DOCK6: variants seen among roughly 807,000 people sequenced by gnomAD.
The protein encoded by DOCK6 is dedicator of cytokinesis 6.
DOCK6 carries 167 observed loss-of-function variants against 230.3 expected under a neutral mutation model. That is an observed-to-expected ratio of 0.73 (90% CI 0.64 to 0.82). DOCK6 has a LOEUF of 0.82. Ranked by LOEUF, DOCK6 falls within the 40% of genes least tolerant of loss-of-function variation. DOCK6 has a pLI of 0.00. For missense variants in DOCK6, 2,598 were observed against 2,825.8 expected (o/e 0.92, Z 1.83); for synonymous variants, 1,148 against 1,185.0 (o/e 0.97, Z 0.64).
chr19:11,233,075 C>T, intron 22 of DOCK6, 128 bp downstream of exon 22: 3 of 1,295,088 alleles, frequency 2.3e-6, no homozygotes, highest in Non-Finnish European at 3.2e-6. Context: ...ACTCTGCTGC[C>T]CAGAGTGACG....
chr19:11,256,205 A>G (rs1475992130), intron 1 of DOCK6, among the ~76,000 whole-genome samples: 2 of 152,144 alleles, frequency 1.3e-5, no homozygotes, highest in Admixed American at 1.3e-4. Context: ...TCAAATTCCT[A>G]AAGTCGGGCT....
Position 11,236,371 on chromosome 19 carries a change from C to T in DOCK6, c.2367G>A (p.Arg789=), listed in dbSNP as rs1400481059. 2 of 1,570,692 alleles carry T rather than the reference C, an allele frequency of 1.3e-6. No homozygotes were observed. Among genetic ancestry groups the T allele is most frequent in the Non-Finnish European group, 1.7e-6 (2 of 1,157,316 alleles). Residue 789 remains arginine, a synonymous_variant, in exon 20 of 48, where the codon AGG becomes AGA. Coordinates refer to ENST00000294618, the MANE Select transcript of DOCK6 (RefSeq NM_020812.4). The surrounding 1 kb of genome is among the most constrained non-coding windows in gnomAD (Gnocchi z 5.2). ...CAATCTGGCCACTGATGATCGGGGG[C>T]CTGATGACCAGACGCACGAGCTTGT... ...VLDKLVRLVI[R]PPIISGQIVN... is the part of the protein sequence containing the mutation.
intron 9 of DOCK6, among the ~76,000 whole-genome samples, chr19:11,244,129 ATATTT>A (rs2147854937): frequency 6.6e-6 from 1 of 152,218 alleles, no homozygotes; most frequent in South Asian, 2.1e-4. Context: ...TTAGCTGGTG[ATATTT>A]TCCCTAAATT....
chr19:11,230,422 C>T (rs149802759), intron 22 of DOCK6, among the ~76,000 whole-genome samples: 1 of 152,244 alleles, frequency 6.6e-6, no homozygotes, highest in Non-Finnish European at 1.5e-5. Context: ...AGTGCAACCA[C>T]AACAGGCAGG....
chr19:11,207,125 G>A (rs1157334363), intron 39 of DOCK6, among the ~76,000 whole-genome samples: 2 of 151,716 alleles, frequency 1.3e-5, no homozygotes, highest in Non-Finnish European at 2.9e-5. Flanking sequence ...CAGCCACTGC[G>A]CCCAGCCTGG....
chr19:11,230,419 C>T (rs896252510), intron 22 of DOCK6, among the ~76,000 whole-genome samples: 1 of 152,054 alleles, frequency 6.6e-6, no homozygotes, highest in South Asian at 2.1e-4. Flanking sequence ...AGCAGTGCAA[C>T]CACAACAGGC....
At position 11,237,459 on chromosome 19, in the gene DOCK6, G is replaced by T. The variant is rs1020641955; in HGVS notation, c.2070C>A (p.Pro690=). The T allele has an allele frequency of 1.9e-6, 3 of 1,613,500 alleles. No homozygotes were observed. Among genetic ancestry groups the T allele is most frequent in the Non-Finnish European group, 1.7e-6 (2 of 1,179,834 alleles). ...QPPPSYSVLT[P]DVALPGMRWV... is the part of the protein sequence containing the mutation. ...GCAGGAGCTCCAGGGCACATACATCGGGTGTGAGCACGGAATAGCTGGGCG... is the reference window on the plus strand; with the variant it reads ...GCAGGAGCTCCAGGGCACATACATCTGGTGTGAGCACGGAATAGCTGGGCG... The change falls in exon 18 of 48, where the codon CCC becomes CCA. Residue 690 remains proline (P), a synonymous_variant. Coordinates refer to ENST00000294618, the MANE Select transcript of DOCK6 (RefSeq NM_020812.4).
rs764829646 is a variant in DOCK6 at position 11,253,658 on chromosome 19, C to G, written c.113G>C (p.Arg38Pro). ...ERSGSPHSSR[R>P]CSSSLGVPLT... ...ACTTACCCCCAGGGAGCTGCTGCAG[C>G]GCCTGCTGGAGTGGGGGGAGCCACT... Residue 38 changes from arginine to proline, a missense_variant, in exon 2 of 48, where the codon CGC becomes CCC. Coordinates refer to ENST00000294618, the MANE Select transcript of DOCK6 (RefSeq NM_020812.4). 8.3e-6 allele frequency: 12 copies of G among 1,451,946 alleles called. No homozygotes were observed. In the South Asian group the frequency reaches 1.6e-4, roughly 20 times the overall value. The allele number at this position is 1,451,946 out of a possible 1,614,324, so 89.9% of individuals were successfully genotyped here. A position where few individuals can be genotyped will look rare whatever the true frequency, so the allele number is the denominator to read the frequency against.
intron 14 of DOCK6, chr19:11,240,119 ACT>A (rs1851921426): frequency 1.9e-6 from 3 of 1,551,354 alleles, no homozygotes; most frequent in Non-Finnish European, 2.6e-6. Context: ...CTAGTGACCC[ACT>A]GTTTATTAAG....
In DOCK6 at chr19:11,223,079, C is replaced by G. The variant is rs564231748; in HGVS notation, c.2983G>C (p.Ala995Pro). The change falls in exon 25 of 48, where the codon GCC becomes CCC. Residue 995 changes from alanine (A) to proline (P), a missense_variant. Ala to Pro is a conservative substitution (Grantham distance 27). Transcript: ENST00000294618. The stretch of plus-strand genomic sequence containing the variant: ...TCACTGAGGAAGAAAGCCAGGCTGG[C>G]GTTGAGGTGCTCGGCCAGCTCCACA... ...KDVELAEHLN[A>P]SLAFFLSDLL... The G allele has an allele frequency of 1.2e-6, 2 of 1,613,616 alleles. No individual in the cohort carries two copies. The highest frequency in any genetic ancestry group is 8.5e-7 in the Non-Finnish European group (1 of 1,179,830).
rs1034259664 is a variant in DOCK6 at position 11,201,034 on chromosome 19, C to T, written c.5707G>A (p.Glu1903Lys). Residue 1903 changes from glutamate (E) to lysine (K), a missense_variant, in exon 45 of 48, where the codon GAG becomes AAG. Physicochemically the swap from Glu to Lys is moderately conservative, Grantham distance 56. Coordinates refer to ENST00000294618, the MANE Select transcript of DOCK6 (RefSeq NM_020812.4). This position sits in a 1 kb window ranked among gnomAD's most constrained non-coding sequence, Gnocchi z 4.3. ...TTCTGCATGTCCTCGATGGCCACCT[C>T]CACTGGCGTCAGCACCGTCTGTGGG... The part of the protein sequence containing the change: ...HREETVLTPV[E>K]VAIEDMQKKT... 6.2e-7 allele frequency: 1 copy of T among 1,613,870 alleles called. No homozygotes were observed. The highest frequency in any genetic ancestry group is 1.1e-5 in the South Asian group (1 of 91,064).
At chr19:11,250,668 T>G (rs1219418443) in intron 6 of DOCK6, among the ~76,000 whole-genome samples, 2 of 152,166 alleles carry the variant, frequency 1.3e-5, no homozygotes, top group African/African-American at 4.8e-5. Flanking sequence ...GCTGGTTGGA[T>G]AAATATAGGG....
At chr19:11,259,907 A>G (rs1209811558) in intron 1 of DOCK6, among the ~76,000 whole-genome samples, 79 of 7,848 alleles carry the variant, frequency 0.01, no homozygotes, top group Middle Eastern at 0.25. Flanking sequence ...TTTTTGAGAC[A>G]GAGTCTTACT....
rs1375840410 is a variant in DOCK6 at position 11,202,282 on chromosome 19, A to G, written c.5451+112T>C. 7.0e-7 allele frequency: 1 copy of G among 1,427,916 alleles called. No homozygotes were observed. The allele number at this position is 1,427,916 out of a possible 1,614,324, so 88.5% of individuals were successfully genotyped here. ...TGAGGAATAGGTTTTGGGGTCCCTCAGTGAAATATGATTTGGGGTTTCCCA... is the reference window on the plus strand; with the variant it reads ...TGAGGAATAGGTTTTGGGGTCCCTCGGTGAAATATGATTTGGGGTTTCCCA... On this transcript the variant is annotated intron_variant, in intron 43 of 47. Transcript: ENST00000294618. This position sits in a 1 kb window ranked among gnomAD's most constrained non-coding sequence, Gnocchi z 5.3.
chr19:11,203,958 C>T, intron 41 of DOCK6, 123 bp downstream of exon 41: 1 of 1,332,114 alleles, frequency 7.5e-7, no homozygotes, highest in Non-Finnish European at 1.0e-6. Flanking sequence ...CTTGTGGCCA[C>T]AGCCCCAGCC....
chr19:11,233,217 T>C lies in DOCK6; in HGVS notation c.2704A>G (p.Ile902Val). 6.2e-7 allele frequency: 1 copy of C among 1,613,464 alleles called. No individual in the cohort carries two copies. Among genetic ancestry groups the C allele is most frequent in the Non-Finnish European group, 8.5e-7 (1 of 1,179,760 alleles). ...PGSVDDEVSR[I>V]LASKLLHEEL... ...CGTTGCCCTACCTTGCTGGCCAGGATGCGGGAAACCTCGTCATCCACAGAG... is the reference window on the plus strand; with the variant it reads ...CGTTGCCCTACCTTGCTGGCCAGGACGCGGGAAACCTCGTCATCCACAGAG... The change falls in exon 22 of 48, where the codon ATC (isoleucine) becomes GTC (valine). Residue 902 changes from isoleucine to valine, a missense_variant. Physicochemically the swap from Ile to Val is conservative, Grantham distance 29. Transcript: ENST00000294618.
rs768661221 is a variant in DOCK6, at chr19:11,217,128, C to T, written c.3712-32G>A. On this transcript the variant is annotated intron_variant, in intron 29 of 47. Transcript: ENST00000294618. ...CCAGAGAGGAATCAAAGTCAATTTC[C>T]ATTTTCTCCATGTGAGATGAATCCT... The T allele has an allele frequency of 4.4e-6, 7 of 1,599,156 alleles. No individual in the cohort carries two copies. The South Asian group carries it at 7.8e-5, about 18-fold the overall frequency.
chr19:11,217,080 C>T lies in DOCK6; in HGVS notation c.3728G>A (p.Cys1243Tyr), dbSNP rs1487647536. ...CCGGCTTGACTCAGCAGAGAGGGCACAGCCTGCGCGAGAAGCCTGGGGCCA... is the reference window on the plus strand; with the variant it reads ...CCGGCTTGACTCAGCAGAGAGGGCATAGCCTGCGCGAGAAGCCTGGGGCCA... Reference protein sequence around the residue: ...QGPPTASRAGCALSAESSRTL... With the variant: ...QGPPTASRAGYALSAESSRTL... The change falls in exon 30 of 48, where the codon TGT becomes TAT. Residue 1243 changes from cysteine (C) to tyrosine (Y), a missense_variant. Transcript: ENST00000294618. 1 of 1,612,650 alleles carries T rather than the reference C, an allele frequency of 6.2e-7. No homozygotes were observed. Among genetic ancestry groups the T allele is most frequent in the Admixed American group, 1.7e-5 (1 of 59,738 alleles).
rs2080060056 is a variant in DOCK6 at position 11,247,929 on chromosome 19, T to C, written c.806+137A>G. The C allele has an allele frequency of 5.9e-6, 4 of 682,714 alleles. 1 individual carries two copies. Among genetic ancestry groups the C allele is most frequent in the Middle Eastern group, 2.7e-4 (1 of 3,670 alleles). 42.3% of individuals were successfully genotyped at this position (682,714 alleles called of 1,614,324 possible). On this transcript the variant is annotated intron_variant, in intron 7 of 47. Coordinates refer to ENST00000294618, the MANE Select transcript of DOCK6 (RefSeq NM_020812.4). ...GAAAAAGGAAGTCTTCCTTCCCCCA[T>C]AAAAGCCCATACATAGGTGGCCACA...
Sources: allele counts gnomAD v4.1 joint callset (sites outside exome capture counted in the v4.1 genomes callset), GRCh38; gene constraint gnomAD v4.1.1; non-coding constraint Gnocchi (gnomAD v3.1); transcripts MANE v1.5; gene names NCBI Gene and HGNC (gene_info 2026-07-23, HGNC 2026-07-21).